Variants in CCDC171 observed in about 807,000 individuals in gnomAD.
CCDC171 encodes coiled-coil domain containing 171.
A neutral mutation model predicts 168.2 loss-of-function variants in CCDC171; 177 were observed. That is an observed-to-expected ratio of 1.05 (90% CI 0.93 to 1.19). The LOEUF is 1.19. Among genes scored for constraint, CCDC171 ranks in the 50% most tolerant of loss-of-function variants. The pLI, the probability that CCDC171 is intolerant of heterozygous loss-of-function variation, is 0.00. For missense variants in CCDC171, 1,991 were observed against 1,539.0 expected, an observed-to-expected ratio of 1.29 and a Z score of -4.91; for synonymous variants, 687 against 540.8, an observed-to-expected ratio of 1.27 and a Z score of -3.75.
intron 3 of CCDC171, among the ~76,000 whole-genome samples, chr9:16,013,236 C>T (rs955316910): frequency 6.6e-6 from 1 of 152,176 alleles, no homozygotes; most frequent in African/African-American, 2.4e-5. Context: ...CCTCCTGCCT[C>T]TGTCCACCCT....
chr9:16,054,955 G>A (rs1007267988), intron 1 of CCDC171, among the ~76,000 whole-genome samples: 2 of 152,204 alleles, frequency 1.3e-5, no homozygotes, highest in African/African-American at 4.8e-5. Context: ...ACGTGGAGAC[G>A]AAGCCCCTCG....
intron 7 of CCDC171, among the ~76,000 whole-genome samples, chr9:15,638,883 T>C (rs1450210585): frequency 6.6e-6 from 1 of 151,922 alleles, no homozygotes; most frequent in African/African-American, 2.4e-5. Context: ...TCTTTACAAC[T>C]AGGGGAGTTT....
intron 1 of CCDC171, among the ~76,000 whole-genome samples, chr9:15,560,661 G>A (rs1428323908): frequency 6.6e-6 from 1 of 151,982 alleles, no homozygotes; most frequent in Non-Finnish European, 1.5e-5. Flanking sequence ...GCTTCTTTGC[G>A]ATGGGTTTGA....
At chr9:15,582,691 C>T (rs2041226895) in intron 4 of CCDC171, among the ~76,000 whole-genome samples, 1 of 151,842 alleles carries the variant, frequency 6.6e-6, no homozygotes, top group South Asian at 2.1e-4. Context: ...AACAGAAAAC[C>T]AAACAGCGCA....
upstream of CCDC171, among the ~76,000 whole-genome samples, chr9:16,039,200 C>T (rs1168818087): frequency 6.6e-6 from 1 of 152,094 alleles, no homozygotes; most frequent in African/African-American, 2.4e-5. Flanking sequence ...GCAAATTTTC[C>T]GTAGTAAACT....
At chr9:16,058,292 A>G (rs1301788903) in intron 1 of CCDC171, among the ~76,000 whole-genome samples, 1 of 151,814 alleles carries the variant, frequency 6.6e-6, no homozygotes, top group Non-Finnish European at 1.5e-5. Context: ...CTCTCTCCCC[A>G]TGACCACATC....
At chr9:15,572,067 T>C (rs2040268191) in intron 3 of CCDC171, among the ~76,000 whole-genome samples, 1 of 152,204 alleles carries the variant, frequency 6.6e-6, no homozygotes, top group East Asian at 1.9e-4. Flanking sequence ...ATTTTTGAAA[T>C]CATAATGTAG....
chr9:15,598,623 C>T (rs1263080871), intron 6 of CCDC171, among the ~76,000 whole-genome samples: 2 of 152,134 alleles, frequency 1.3e-5, no homozygotes, highest in Non-Finnish European at 2.9e-5. Context: ...AATTTGTATT[C>T]TGTTGATTTG....
At chr9:15,623,475 G>GCACACACCCA in intron 7 of CCDC171, 62 bp downstream of exon 7, 1 of 311,464 alleles carries the variant, frequency 3.2e-6, no homozygotes, top group Non-Finnish European at 5.9e-6. Flanking sequence ...GCGCGCGCGC[G>GCACACACCCA]CACACACACA....
At chr9:15,861,527 T>C (rs928477574) in intron 23 of CCDC171, among the ~76,000 whole-genome samples, 1 of 151,884 alleles carries the variant, frequency 6.6e-6, no homozygotes, top group African/African-American at 2.4e-5. Flanking sequence ...TTGTGTAACT[T>C]ATATGGGTAT....
Position 15,920,314 on chromosome 9 carries a change from T to C in CCDC171, c.3645T>C (p.Thr1215=). 6.2e-7 allele frequency: 1 copy of C among 1,607,382 alleles called. No individual in the cohort carries two copies. The highest frequency in any genetic ancestry group is 8.5e-7 in the Non-Finnish European group (1 of 1,175,634). The change falls in exon 25 of 26, where the codon ACT becomes ACC. Residue 1215 remains threonine, a synonymous_variant. Transcript: ENST00000380701. ...TGGATGTCTACCAGCTTGCAAGCAC[T>C]AGAATCATGACATTAGAGAAGGAAA... ...SFMDVYQLAS[T]RIMTLEKEMT...
chr9:15,743,926 T>A (rs1306322937), intron 16 of CCDC171, among the ~76,000 whole-genome samples: 1 of 152,152 alleles, frequency 6.6e-6, no homozygotes, highest in Non-Finnish European at 1.5e-5. Context: ...TAGTGAGGAG[T>A]GGAAGAAGAG....
chr9:15,776,506 T>C (rs949993370), intron 18 of CCDC171, among the ~76,000 whole-genome samples: 4 of 152,238 alleles, frequency 2.6e-5, no homozygotes, highest in Admixed American at 6.5e-5. Context: ...TTTTATTCAC[T>C]TTATTTCCAA....
In CCDC171 at chr9:15,629,994, A is replaced by T. The variant is rs566050179; in HGVS notation, c.822+6581A>T. ...GCAAATGCTGAGAGATTTTGTCACC[A>T]CCAGGCCTGCCCTGCAAGAGCTCCT... On this transcript the variant is annotated intron_variant, in intron 7 of 25. Coordinates refer to ENST00000380701, the MANE Select transcript of CCDC171 (RefSeq NM_173550.4). Among the ~76,000 whole-genome samples, 12 of 152,322 alleles carry T rather than the reference A, an allele frequency of 7.9e-5. No individual in the cohort carries two copies. In the East Asian group the frequency reaches 2.3e-3, roughly 29 times the overall value.
At chr9:15,705,154 G>A (rs749909274) in intron 11 of CCDC171, among the ~76,000 whole-genome samples, 5 of 150,682 alleles carry the variant, frequency 3.3e-5, no homozygotes, top group Non-Finnish European at 5.9e-5. Context: ...GTGTGGTGAT[G>A]GACGTGTTAA....
the CCDC171 span, among the ~76,000 whole-genome samples, chr9:16,082,364 G>A: frequency 1.3e-5 from 2 of 152,188 alleles, no homozygotes; most frequent in Admixed American, 6.5e-5. Flanking sequence ...TGGCTTCATA[G>A]CAGGTCACAT....
intron 18 of CCDC171, among the ~76,000 whole-genome samples, chr9:15,756,392 C>G (rs971452636): frequency 6.6e-6 from 1 of 152,032 alleles, no homozygotes; most frequent in Non-Finnish European, 1.5e-5. Flanking sequence ...ATAATTTCAA[C>G]TTTTATTTTA....
chr9:15,748,156 C>T (rs1010652656), intron 18 of CCDC171, among the ~76,000 whole-genome samples: 2 of 152,046 alleles, frequency 1.3e-5, no homozygotes, highest in Non-Finnish European at 2.9e-5. Context: ...AAAAACACAG[C>T]ATGAGAAATT....
At chr9:15,620,094 G>A (rs2044388392) in intron 6 of CCDC171, among the ~76,000 whole-genome samples, 1 of 152,156 alleles carries the variant, frequency 6.6e-6, no homozygotes, top group Admixed American at 6.6e-5. Context: ...AGCGCTGATG[G>A]TTATGTACCA....
Sources: allele counts gnomAD v4.1 joint callset (sites outside exome capture counted in the v4.1 genomes callset), GRCh38; gene constraint gnomAD v4.1.1; transcripts MANE v1.5; gene names NCBI Gene and HGNC (gene_info 2026-07-23, HGNC 2026-07-21).